RAB27A: variants seen among roughly 807,000 people sequenced by gnomAD.
The protein encoded by RAB27A is RAB27A, member RAS oncogene family.
A neutral mutation model predicts 20.8 loss-of-function variants in RAB27A; 17 were observed. The observed-to-expected ratio is 0.82, with a 90% confidence interval of 0.56 to 1.23. The LOEUF is 1.23. Ranked by LOEUF, RAB27A falls within the 50% of genes most tolerant of loss-of-function variation. RAB27A has a pLI of 0.00. For synonymous variants in RAB27A, 85 were observed against 92.8 expected, an observed-to-expected ratio of 0.92 and a Z score of 0.48; for missense variants, 277 against 266.7, an observed-to-expected ratio of 1.04 and a Z score of -0.27.
intron 6 of RAB27A, among the ~76,000 whole-genome samples, chr15:55,209,506 T>A (rs1352081929): frequency 1.3e-5 from 2 of 152,136 alleles, no homozygotes; most frequent in Admixed American, 6.5e-5. Context: ...TTCCATTGTA[T>A]ATATAAACCA....
At chr15:55,305,657 A>T (rs2054993571) in intron 2 of RAB27A, among the ~76,000 whole-genome samples, 1 of 152,206 alleles carries the variant, frequency 6.6e-6, no homozygotes, top group South Asian at 2.1e-4. Context: ...ACAATTCCAG[A>T]TTGATTAACA....
At chr15:55,280,126 G>A (rs1034086705) in intron 1 of RAB27A, among the ~76,000 whole-genome samples, 10 of 152,134 alleles carry the variant, frequency 6.6e-5, no homozygotes, top group African/African-American at 2.2e-4. Context: ...TTTGACACTA[G>A]ACTGGTTAGT....
rs138820184 is a variant in RAB27A, at chr15:55,269,467, C to T, written c.-23+698G>A. Among the ~76,000 whole-genome samples, 948 of 152,274 alleles carry T rather than the reference C, an allele frequency of 6.2e-3. 7 individuals are homozygous for T. Among genetic ancestry groups the T allele is most frequent in the African/African-American group, 0.022 (902 of 41,544 alleles). ...CATTAAAACTATTAACACTTTTAGG[C>T]CGGGCACGGTGGCTCATGCCTGTAA... On this transcript the variant is annotated intron_variant, in intron 2 of 6. Transcript: ENST00000336787.
intron 2 of RAB27A, among the ~76,000 whole-genome samples, chr15:55,299,890 A>G (rs906584388): frequency 5.4e-5 from 8 of 148,918 alleles, no homozygotes; most frequent in Non-Finnish European, 1.2e-4. Flanking sequence ...GCGCGATCTC[A>G]GCTCACTGCA....
At chr15:55,251,876 C>A (rs1164768610) in intron 2 of RAB27A, among the ~76,000 whole-genome samples, 2 of 152,040 alleles carry the variant, frequency 1.3e-5, no homozygotes, top group East Asian at 3.9e-4. Context: ...CATGAAAGTA[C>A]CCTTGCTTGA....
intron 1 of RAB27A, among the ~76,000 whole-genome samples, chr15:55,318,125 T>A (rs1297620285): frequency 6.8e-6 from 1 of 146,558 alleles, no homozygotes; most frequent in Non-Finnish European, 1.5e-5. Flanking sequence ...TGAGACGGAG[T>A]CTCGCTCTGT....
chr15:55,268,714 C>T (rs535844171), intron 2 of RAB27A, among the ~76,000 whole-genome samples: 2 of 152,336 alleles, frequency 1.3e-5, no homozygotes, highest in African/African-American at 4.8e-5. Context: ...CCAGTCCAGG[C>T]ACTGGGCTTA....
intron 2 of RAB27A, among the ~76,000 whole-genome samples, chr15:55,294,877 C>T (rs1018777295): frequency 6.6e-6 from 1 of 151,990 alleles, no homozygotes; most frequent in African/African-American, 2.4e-5. Context: ...CATAAAAGCA[C>T]ACTATCAACA....
intron 2 of RAB27A, among the ~76,000 whole-genome samples, chr15:55,256,358 G>C (rs1723909996): frequency 6.6e-6 from 1 of 152,142 alleles, no homozygotes; most frequent in African/African-American, 2.4e-5. Flanking sequence ...AGGCTGCAGT[G>C]AGCCATGACT....
chr15:55,280,321 T>G (rs554512215), intron 1 of RAB27A, among the ~76,000 whole-genome samples: 21 of 151,796 alleles, frequency 1.4e-4, no homozygotes, highest in Non-Finnish European at 2.6e-4. Context: ...CAGCCTGAGT[T>G]TACTCAGGCT....
chr15:55,276,272 G>A (rs910261361), intron 1 of RAB27A, among the ~76,000 whole-genome samples: 1 of 152,046 alleles, frequency 6.6e-6, no homozygotes, highest in African/African-American at 2.4e-5. Context: ...CAATGAAAAA[G>A]TATTCAGCCT....
At chr15:55,270,816 G>A (rs1897683138) in intron 1 of RAB27A, 1 of 152,128 alleles carries the variant, frequency 6.6e-6, no homozygotes, top group Non-Finnish European at 1.5e-5. Context: ...AGTCCACCCA[G>A]ATATCTTGCT....
Position 55,230,438 on chromosome 15 carries a change from T to C in RAB27A, c.202A>G (p.Ile68Val). Residue 68 changes from isoleucine (I) to valine (V), a missense_variant, in exon 4 of 7, where the codon ATC becomes GTC. By Grantham distance (29) the Ile-to-Val change is conservative (BLOSUM62 3). Transcript: ENST00000336787. ...GCTGTGTCCCATAACTGCAGGTGGA[T>C]TCTCTGGCCTCTGCCAGTGGCTCCA... ...PDGATGRGQR[I>V]HLQLWDTAGQ... 1 of 1,613,986 alleles carries C rather than the reference T, an allele frequency of 6.2e-7. No individual in the cohort carries two copies. Among genetic ancestry groups the C allele is most frequent in the Non-Finnish European group, 8.5e-7 (1 of 1,179,868 alleles).
intron 5 of RAB27A, among the ~76,000 whole-genome samples, chr15:55,226,448 G>A (rs562129400): frequency 3.3e-5 from 5 of 152,240 alleles, no homozygotes; most frequent in African/African-American, 1.2e-4. Context: ...CAGGGCCCAC[G>A]AGTCAGCTAC....
intron 1 of RAB27A, chr15:55,317,638 T>C (rs2055060054): frequency 2.5e-6 from 1 of 398,272 alleles, no homozygotes; most frequent in Non-Finnish European, 4.4e-6. Flanking sequence ...TTAACTTTTC[T>C]TCTCTTCTGA....
intron 2 of RAB27A, among the ~76,000 whole-genome samples, chr15:55,241,600 T>TTATATATATATATATATATA (rs58693379): frequency 6.5e-5 from 8 of 123,876 alleles, no homozygotes; most frequent in African/African-American, 3.4e-4. Context: ...CAAGACCTAT[T>TTATATATATATATATATATA]TATATATATA....
At chr15:55,249,492 G>A (rs1896809988) in intron 2 of RAB27A, among the ~76,000 whole-genome samples, 1 of 152,118 alleles carries the variant, frequency 6.6e-6, no homozygotes, top group Non-Finnish European at 1.5e-5. Flanking sequence ...TGCTGCCCAG[G>A]CTGGTCCTGA....
rs899367134 is a variant in RAB27A, at chr15:55,288,072, C to G, written c.-143+1644G>C. Among the ~76,000 whole-genome samples the G allele has an allele frequency of 2.0e-5, 3 of 152,192 alleles. No homozygotes were observed. In the East Asian group the frequency reaches 5.8e-4, roughly 29 times the overall value. On this transcript the variant is annotated intron_variant, in intron 1 of 6. Transcript: ENST00000336787. ...AAAGTTGAAGTCAGACCCCCTGCCT[C>G]ACACCATATTTAAAAATTAACTTAA...
rs935914984 is a variant in RAB27A, at chr15:55,203,522, C to T, written c.*1985G>A. ...CTCCGCCTCCCAGGTTCACGCCATT[C>T]TCCTGCCTCAGCCTCCTGAGTAGCT... On this transcript the variant is annotated 3_prime_UTR_variant, in exon 7 of 7. Coordinates refer to ENST00000336787, the MANE Select transcript of RAB27A (RefSeq NM_183235.3). The T allele has an allele frequency of 1.3e-5, 2 of 149,056 alleles. No individual in the cohort carries two copies. Among genetic ancestry groups the T allele is most frequent in the Non-Finnish European group, 3.0e-5 (2 of 67,596 alleles). 9.2% of individuals were successfully genotyped at this position (149,056 alleles called of 1,614,324 possible).
Sources: allele counts gnomAD v4.1 joint callset (sites outside exome capture counted in the v4.1 genomes callset), GRCh38; gene constraint gnomAD v4.1.1; transcripts MANE v1.5; gene names NCBI Gene and HGNC (gene_info 2026-07-23, HGNC 2026-07-21).